KLF12: variants seen among roughly 807,000 people sequenced by gnomAD.
The protein encoded by KLF12 is Krueppel-like factor 12.
Under a neutral mutation model 37.8 loss-of-function variants are expected in KLF12, and 9 were observed. That is an observed-to-expected ratio of 0.24 (90% CI 0.14 to 0.42). The LOEUF is 0.42. KLF12 is among the 10% of genes least tolerant of loss of function. KLF12 has a pLI of 1.00. For missense variants in KLF12, 411 were observed against 516.0 expected (o/e 0.80, Z 1.97); for synonymous variants, 208 against 202.1 (o/e 1.03, Z -0.25).
At chr13:73,784,523 C>A (rs559204757) in intron 5 of KLF12, among the ~76,000 whole-genome samples, 39 of 152,116 alleles carry the variant, frequency 2.6e-4, no homozygotes, top group African/African-American at 6.5e-4. Flanking sequence ...GCTGACCCCC[C>A]ACTCCGCACA....
chr13:73,939,816 A>T (rs1890110001), intron 3 of KLF12, among the ~76,000 whole-genome samples: 1 of 152,102 alleles, frequency 6.6e-6, no homozygotes, highest in Non-Finnish European at 1.5e-5. Context: ...GGTCTTTCTC[A>T]CTTTGAAGTC....
At chr13:74,055,660 C>T (rs971435186) in intron 1 of KLF12, among the ~76,000 whole-genome samples, 10 of 152,076 alleles carry the variant, frequency 6.6e-5, no homozygotes, top group Non-Finnish European at 1.5e-4. Context: ...GCTCTTACCA[C>T]GGACAGTCAA....
chr13:74,242,814 A>G, the KLF12 span, among the ~76,000 whole-genome samples: 1 of 152,184 alleles, frequency 6.6e-6, no homozygotes, highest in Non-Finnish European at 1.5e-5. Context: ...ACATGCAGAG[A>G]CATATTACAG....
chr13:74,063,120 TA>T (rs1427918251), intron 1 of KLF12, among the ~76,000 whole-genome samples: 1 of 152,188 alleles, frequency 6.6e-6, no homozygotes, highest in Non-Finnish European at 1.5e-5. Flanking sequence ...GTCAGGGTGC[TA>T]AAATAGCTCA....
intron 4 of KLF12, among the ~76,000 whole-genome samples, chr13:73,817,193 CTG>C (rs1883269928): frequency 2.0e-5 from 3 of 151,682 alleles, no homozygotes; most frequent in Non-Finnish European, 2.9e-5. Flanking sequence ...TGGCATATGC[CTG>C]TAGTCCCAGC....
chr13:73,754,272 C>T (rs1004911818), intron 6 of KLF12, among the ~76,000 whole-genome samples: 2 of 152,274 alleles, frequency 1.3e-5, no homozygotes, highest in South Asian at 2.1e-4. Context: ...AGGGCTACAT[C>T]TAATCAATTC....
chr13:74,087,725 C>A (rs1250993802), intron 1 of KLF12, among the ~76,000 whole-genome samples: 1 of 151,932 alleles, frequency 6.6e-6, no homozygotes, highest in African/African-American at 2.4e-5. Context: ...ATTTGGAAAC[C>A]AGAGATAACA....
chr13:73,758,871 G>A (rs1879361163), intron 6 of KLF12, among the ~76,000 whole-genome samples: 1 of 152,030 alleles, frequency 6.6e-6, no homozygotes, highest in African/African-American at 2.4e-5. Context: ...TGAAATTCTG[G>A]GTGATAGAGA....
chr13:74,245,450 G>GA, the KLF12 span, among the ~76,000 whole-genome samples: 288 of 152,162 alleles, frequency 1.9e-3, no homozygotes, highest in African/African-American at 6.5e-3. Context: ...TTGTTGCATG[G>GA]AAAAATGAGA....
intron 3 of KLF12, among the ~76,000 whole-genome samples, chr13:73,892,741 T>C (rs1037105389): frequency 4.6e-5 from 7 of 152,056 alleles, no homozygotes; most frequent in African/African-American, 1.7e-4. Context: ...ATAAAGAAAC[T>C]GAAAGACAGT....
At chr13:73,926,414 T>G (rs1022920950) in intron 3 of KLF12, among the ~76,000 whole-genome samples, 2 of 152,216 alleles carry the variant, frequency 1.3e-5, no homozygotes, top group African/African-American at 4.8e-5. Context: ...TTAAGGTATA[T>G]ACATTGTTTT....
At chr13:74,097,637 G>A (rs184202465) in intron 1 of KLF12, among the ~76,000 whole-genome samples, 157 of 151,884 alleles carry the variant, frequency 1.0e-3, no homozygotes, top group Non-Finnish European at 1.1e-3. Flanking sequence ...TTAAACACAC[G>A]TTTAGGTATC....
intron 5 of KLF12, among the ~76,000 whole-genome samples, chr13:73,775,507 T>A (rs1880556965): frequency 6.6e-6 from 1 of 152,226 alleles, no homozygotes; most frequent in Admixed American, 6.5e-5. Flanking sequence ...GATATCCTGA[T>A]AATTGCTTCA....
At chr13:73,804,512 T>C (rs369521009) in intron 5 of KLF12, among the ~76,000 whole-genome samples, 2 of 152,184 alleles carry the variant, frequency 1.3e-5, no homozygotes, top group East Asian at 1.9e-4. Context: ...ATGGTCTCCA[T>C]CTGGCTCCTA....
chr13:74,221,343 T>G, the KLF12 span, among the ~76,000 whole-genome samples: 1 of 152,330 alleles, frequency 6.6e-6, no homozygotes, highest in South Asian at 2.1e-4. Flanking sequence ...TTATACTTTA[T>G]GTTTTTAATG....
At chr13:74,051,991 A>G (rs138450884) in intron 1 of KLF12, among the ~76,000 whole-genome samples, 1,551 of 152,234 alleles carry the variant, frequency 0.01, 19 homozygotes, top group African/African-American at 0.031. Flanking sequence ...ATCATAGTAT[A>G]CCCCACAAAT....
chr13:73,765,938 T>C (rs9543449), intron 5 of KLF12, among the ~76,000 whole-genome samples: 38,044 of 152,130 alleles, frequency 0.25, 5,710 homozygotes, highest in East Asian at 0.46. Flanking sequence ...CCAAGGTTTG[T>C]AAGAAACCCA....
intron 1 of KLF12, among the ~76,000 whole-genome samples, chr13:74,124,843 G>T (rs1877845468): frequency 6.6e-6 from 1 of 152,098 alleles, no homozygotes; most frequent in Non-Finnish European, 1.5e-5. Flanking sequence ...CCATTAGCAG[G>T]TTTGCTTTTT....
At chr13:73,823,367 C>G (rs1883645208) in intron 4 of KLF12, among the ~76,000 whole-genome samples, 1 of 151,736 alleles carries the variant, frequency 6.6e-6, no homozygotes, top group South Asian at 2.1e-4. Flanking sequence ...AAATGATTTA[C>G]CACAGAAGGG....
Sources: gnomAD v4.1 joint callset for allele counts (sites outside exome capture counted in the v4.1 genomes callset) on GRCh38, gnomAD v4.1.1 for gene constraint, MANE v1.5 for transcripts, NCBI Gene and HGNC (gene_info 2026-07-23, HGNC 2026-07-21) for gene names.